CNTN4: variants seen among roughly 807,000 people sequenced by gnomAD.
CNTN4 encodes contactin 4, also known as contactin-4.
CNTN4 carries 77 observed loss-of-function variants against 122.5 expected under a neutral mutation model. The observed-to-expected ratio is 0.63, with a 90% CI of 0.52 to 0.76. The LOEUF (loss-of-function observed/expected upper bound fraction) is 0.76. Among genes scored for constraint, CNTN4 ranks in the 30% least tolerant of loss-of-function variants. The probability of loss-of-function intolerance (pLI) is 0.00; values close to 1 mark genes in which losing one functional copy is unlikely to be tolerated. For missense variants in CNTN4, 1,256 were observed against 1,259.1 expected (o/e 1.00, Z 0.04); for synonymous variants, 512 against 447.0 (o/e 1.15, Z -1.83).
At chr3:2,299,980 A>C (rs1467891397) in intron 2 of CNTN4, among the ~76,000 whole-genome samples, 2 of 152,176 alleles carry the variant, frequency 1.3e-5, no homozygotes, top group African/African-American at 4.8e-5. Flanking sequence ...TTAGCGTTCC[A>C]CTAATGACTA....
At chr3:2,668,183 A>G (rs949924020) in intron 4 of CNTN4, among the ~76,000 whole-genome samples, 3 of 152,188 alleles carry the variant, frequency 2.0e-5, no homozygotes, top group African/African-American at 7.2e-5. Flanking sequence ...TACCTTGGGC[A>G]GTATGACCAT....
intron 2 of CNTN4, among the ~76,000 whole-genome samples, chr3:2,213,267 C>A (rs778599173): frequency 1.3e-5 from 2 of 152,130 alleles, no homozygotes; most frequent in Non-Finnish European, 2.9e-5. Context: ...TTCAACACTA[C>A]GGAGAATCTG....
At chr3:2,871,319 T>C (rs1402950748) in intron 8 of CNTN4, among the ~76,000 whole-genome samples, 1 of 152,156 alleles carries the variant, frequency 6.6e-6, no homozygotes, top group Non-Finnish European at 1.5e-5. Flanking sequence ...ACCTAAAATA[T>C]GCTCAACAAA....
intron 7 of CNTN4, among the ~76,000 whole-genome samples, chr3:2,845,668 C>T (rs180904660): frequency 3.9e-5 from 6 of 152,206 alleles, no homozygotes; most frequent in African/African-American, 4.8e-5. Context: ...ATGTTGAGAA[C>T]AGCAAAGGAG....
intron 5 of CNTN4, among the ~76,000 whole-genome samples, chr3:2,743,927 C>A (rs2089609458): frequency 6.6e-6 from 1 of 152,156 alleles, no homozygotes; most frequent in Non-Finnish European, 1.5e-5. Flanking sequence ...CCTCCCACCT[C>A]AGCCTCCTGA....
At chr3:2,562,871 G>A (rs1158160379) in intron 3 of CNTN4, among the ~76,000 whole-genome samples, 1 of 151,992 alleles carries the variant, frequency 6.6e-6, no homozygotes, top group Non-Finnish European at 1.5e-5. Context: ...CTAAAGGCAG[G>A]AGCCACCACG....
intron 19 of CNTN4, chr3:3,039,251 T>A: frequency 2.3e-6 from 1 of 430,890 alleles, no homozygotes; most frequent in Non-Finnish European, 4.2e-6. Context: ...ACAACACACG[T>A]TACAAAAAAA....
At chr3:2,781,820 G>A (rs2091589365) in intron 6 of CNTN4, among the ~76,000 whole-genome samples, 1 of 133,934 alleles carries the variant, frequency 7.5e-6, no homozygotes, top group Non-Finnish European at 1.5e-5. Flanking sequence ...CGCCTCCCGG[G>A]TTCCCGCCAT....
intron 3 of CNTN4, among the ~76,000 whole-genome samples, chr3:2,424,210 C>T: frequency 1.0e-5 from 1 of 95,472 alleles, no homozygotes; most frequent in Non-Finnish European, 2.0e-5. Flanking sequence ...TGCTATCCCT[C>T]CCCCCTCCCT....
rs779922822 is a variant in CNTN4 at position 3,040,134 on chromosome 3, C to T, written c.2261C>T (p.Ser754Leu). ...ATCTGGATGCTGACAGTGCTGGCCT[C>T]AGCTGATGCCTCTAGATACGTGTTC... ...KMIWMLTVLA[S>L]ADASRYVFRN... is the part of the protein sequence containing the mutation. The change falls in exon 20 of 25, where the codon TCA (serine) becomes TTA (leucine). Residue 754 changes from serine to leucine, a missense_variant. Coordinates refer to ENST00000418658, the MANE Select transcript of CNTN4 (RefSeq NM_175607.3). 2 of 1,614,138 alleles carry T rather than the reference C, an allele frequency of 1.2e-6. No homozygotes were observed. Among genetic ancestry groups the T allele is most frequent in the South Asian group, 2.2e-5 (2 of 91,082 alleles).
chr3:2,886,723 AG>A (rs2093983566), intron 9 of CNTN4, among the ~76,000 whole-genome samples: 1 of 151,332 alleles, frequency 6.6e-6, no homozygotes, highest in South Asian at 2.1e-4. Context: ...CATGTTGGCC[AG>A]GCTGGTTTCA....
intron 2 of CNTN4, among the ~76,000 whole-genome samples, chr3:2,137,123 C>T (rs1292159282): frequency 6.6e-6 from 1 of 152,122 alleles, no homozygotes; most frequent in Non-Finnish European, 1.5e-5. Flanking sequence ...AATAAATTCT[C>T]TAGCCAGGGC....
chr3:2,918,622 A>G (rs2094394794), intron 12 of CNTN4, among the ~76,000 whole-genome samples: 1 of 152,218 alleles, frequency 6.6e-6, no homozygotes, highest in Non-Finnish European at 1.5e-5. Flanking sequence ...CACCACAGAA[A>G]TTGGCAAGGA....
chr3:2,335,804 CATTAG>C (rs2043932355), intron 2 of CNTN4, among the ~76,000 whole-genome samples: 2 of 152,110 alleles, frequency 1.3e-5, no homozygotes, highest in African/African-American at 4.8e-5. Context: ...ACTGAGGTAT[CATTAG>C]ATATTTTCTT....
chr3:2,635,972 T>C (rs1028027154), intron 4 of CNTN4, among the ~76,000 whole-genome samples: 1 of 152,120 alleles, frequency 6.6e-6, no homozygotes, highest in African/African-American at 2.4e-5. Context: ...TCTTCCTTAC[T>C]CCTCCCTAAT....
At chr3:2,715,163 C>T (rs1403528252) in intron 4 of CNTN4, among the ~76,000 whole-genome samples, 2 of 152,132 alleles carry the variant, frequency 1.3e-5, no homozygotes, top group South Asian at 2.1e-4. Context: ...ATCAATAATT[C>T]GCTTTATGTA....
At chr3:2,402,627 G>C (rs1404261528) in intron 3 of CNTN4, among the ~76,000 whole-genome samples, 2 of 151,908 alleles carry the variant, frequency 1.3e-5, no homozygotes, top group African/African-American at 2.4e-5. Context: ...GACCCTACTT[G>C]TGCTACTGAA....
At chr3:2,742,637 G>A (rs1308310582) in intron 5 of CNTN4, among the ~76,000 whole-genome samples, 1 of 152,148 alleles carries the variant, frequency 6.6e-6, no homozygotes, top group East Asian at 1.9e-4. Context: ...GTTTGGTTGT[G>A]CACAACCCCA....
At chr3:2,331,905 T>C (rs1048404971) in intron 2 of CNTN4, among the ~76,000 whole-genome samples, 7 of 152,176 alleles carry the variant, frequency 4.6e-5, no homozygotes, top group Non-Finnish European at 8.8e-5. Flanking sequence ...TGCGGAGTTA[T>C]CTTGTCTAGC....
Sources: gnomAD v4.1 joint callset for allele counts (sites outside exome capture counted in the v4.1 genomes callset) on GRCh38, gnomAD v4.1.1 for gene constraint, MANE v1.5 for transcripts, NCBI Gene and HGNC (gene_info 2026-07-23, HGNC 2026-07-21) for gene names.